LTBP2: variants seen among roughly 807,000 people sequenced by gnomAD.
LTBP2 encodes the protein latent transforming growth factor beta binding protein 2.
Under a neutral mutation model 210.6 loss-of-function variants are expected in LTBP2, and 103 were observed. That is an observed-to-expected ratio of 0.49 (90% CI 0.42 to 0.58). The LOEUF is 0.58. Among genes scored for constraint, LTBP2 ranks in the 20% least tolerant of loss-of-function variants. The probability of loss-of-function intolerance (pLI) is 0.00; values close to 1 mark genes in which losing one functional copy is unlikely to be tolerated. For missense variants in LTBP2, 2,313 were observed against 2,494.5 expected (o/e 0.93, Z 1.55); for synonymous variants, 1,007 against 1,015.0 (o/e 0.99, Z 0.15).
intron 2 of LTBP2, among the ~76,000 whole-genome samples, chr14:74,595,023 C>A (rs1268129333): frequency 6.6e-6 from 1 of 152,242 alleles, no homozygotes; most frequent in African/African-American, 2.4e-5. Context: ...GCCAAGTGCC[C>A]AGCTCCAAAA....
chr14:74,598,242 C>T (rs74063229), intron 2 of LTBP2, among the ~76,000 whole-genome samples: 1 of 152,312 alleles, frequency 6.6e-6, no homozygotes, highest in African/African-American at 2.4e-5. Context: ...TCAAGGAAGC[C>T]AAGGAGGAGC....
At chr14:74,508,524 C>G in intron 24 of LTBP2, 80 bp downstream of exon 24, 1 of 1,551,608 alleles carries the variant, frequency 6.4e-7, no homozygotes, top group East Asian at 2.4e-5. Context: ...CCTGTAGCGC[C>G]CATGCTCCTG....
At position 74,516,688 on chromosome 14, in the gene LTBP2, T is replaced by C. The variant is rs1038252644; in HGVS notation, c.2908+134A>G. On this transcript the variant is annotated intron_variant, in intron 18 of 35. Transcript: ENST00000261978. ...TCAGGAATTCTCATAGGTGTCTCTGTCCATAGACGTGGGCTCAGCATCAAG... is the reference window on the plus strand; with the variant it reads ...TCAGGAATTCTCATAGGTGTCTCTGCCCATAGACGTGGGCTCAGCATCAAG... 9 of 1,196,026 alleles carry C rather than the reference T, an allele frequency of 7.5e-6. No homozygotes were observed. The African/African-American group carries it at 1.2e-4, about 16-fold the overall frequency. 74.1% of individuals were successfully genotyped at this position (1,196,026 alleles called of 1,614,324 possible).
chr14:74,507,377 T>A (rs2087005496), intron 25 of LTBP2, 67 bp from the exon 26 acceptor site: 1 of 1,604,870 alleles, frequency 6.2e-7, no homozygotes, highest in African/African-American at 1.3e-5. Flanking sequence ...TCCCACAGGG[T>A]CATGCCCCAC....
At chr14:74,610,553 C>T (rs1017782131) in intron 1 of LTBP2, among the ~76,000 whole-genome samples, 15 of 152,348 alleles carry the variant, frequency 9.8e-5, no homozygotes, top group Non-Finnish European at 1.9e-4. Flanking sequence ...CCCCACCCAG[C>T]CCCTCACTGC....
intron 3 of LTBP2, among the ~76,000 whole-genome samples, chr14:74,573,355 T>G (rs922545876): frequency 2.0e-5 from 3 of 152,192 alleles, no homozygotes; most frequent in African/African-American, 7.2e-5. Flanking sequence ...TGCCCCTGGA[T>G]CCCTCTCCAT....
At chr14:74,540,880 ATATATAT>A (rs1267084442) in intron 8 of LTBP2, among the ~76,000 whole-genome samples, 1 of 105,422 alleles carries the variant, frequency 9.5e-6, no homozygotes, top group African/African-American at 3.7e-5. Context: ...TATATATAAT[ATATATAT>A]TATATATTAA....
Position 74,551,199 on chromosome 14 carries a change from G to A in LTBP2, c.1551C>T (p.Ala517=). Residue 517 remains alanine, a synonymous_variant, in exon 7 of 36, where the codon GCC becomes GCT. Transcript: ENST00000261978. ...VETRPPPWLP[A]SPGHSLWDSN... ...TGTCCCAGAGGCTGTGGCCAGGGCTGGCAGGCAGCCAGGGCGGGGGTCTGG... is the reference window on the plus strand; with the variant it reads ...TGTCCCAGAGGCTGTGGCCAGGGCTAGCAGGCAGCCAGGGCGGGGGTCTGG... 1.2e-6 allele frequency: 2 copies of A among 1,613,698 alleles called. No individual in the cohort carries two copies. The highest frequency in any genetic ancestry group is 1.7e-6 in the Non-Finnish European group (2 of 1,179,998).
chr14:74,537,597 C>T (rs181811741), intron 8 of LTBP2, among the ~76,000 whole-genome samples: 147 of 152,342 alleles, frequency 9.6e-4, no homozygotes, highest in Admixed American at 4.0e-3. Flanking sequence ...TATCCCAATT[C>T]CTTTTTCTCC....
chr14:74,508,274 G>A (rs2087018115), intron 24 of LTBP2, among the ~76,000 whole-genome samples, 179 bp from the exon 25 acceptor site: 1 of 152,122 alleles, frequency 6.6e-6, no homozygotes. Flanking sequence ...GGGGTGAGGG[G>A]TGAGGTGGGG....
At chr14:74,602,265 C>T (rs758682374) in intron 2 of LTBP2, among the ~76,000 whole-genome samples, 1 of 152,160 alleles carries the variant, frequency 6.6e-6, no homozygotes, top group African/African-American at 2.4e-5. Context: ...CTGTAAGCCA[C>T]GATGATAAGC....
At chr14:74,524,939 G>T (rs1165511943) in intron 15 of LTBP2, among the ~76,000 whole-genome samples, 185 bp downstream of exon 15, 1 of 152,190 alleles carries the variant, frequency 6.6e-6, no homozygotes, top group Non-Finnish European at 1.5e-5. Context: ...TTCACAAGAG[G>T]GACCCTGTGT....
intron 3 of LTBP2, among the ~76,000 whole-genome samples, chr14:74,566,743 C>T (rs1013626270): frequency 2.0e-5 from 3 of 152,154 alleles, no homozygotes; most frequent in Non-Finnish European, 4.4e-5. Context: ...AGAGCCAGCC[C>T]TCTCCCCCGT....
In LTBP2 at chr14:74,506,789, G is replaced by C. The variant is rs774747191; in HGVS notation, c.3942C>G (p.Gly1314=). 8.7e-6 allele frequency: 14 copies of C among 1,613,956 alleles called. No homozygotes were observed. Among genetic ancestry groups the C allele is most frequent in the Non-Finnish European group, 1.2e-5 (14 of 1,180,030 alleles). Residue 1314 remains glycine, a synonymous_variant, in exon 27 of 36, where the codon GGC becomes GGG. Coordinates refer to ENST00000261978, the MANE Select transcript of LTBP2 (RefSeq NM_000428.3). ...IDECANDTMC[G]SHGFCDNTDG... is the part of the protein sequence containing the mutation. The stretch of plus-strand genomic sequence containing the variant: ...CAGTGTTGTCACAGAAGCCGTGGCT[G>C]CCACACATGGTGTCGTTGGCGCACT...
At position 74,510,132 on chromosome 14, in the gene LTBP2, T is replaced by C; in HGVS notation, c.3110A>G (p.Glu1037Gly). Reference sequence around the variant, plus strand: ...ATCTGAGGTGACCTCATAGCCCTGCTCACAAGAGCATCTGAAGGAGCCTTC... The same window carrying C: ...ATCTGAGGTGACCTCATAGCCCTGCCCACAAGAGCATCTGAAGGAGCCTTC... ...NLEGSFRCSC[E>G]QGYEVTSDEK... Residue 1037 changes from glutamate (E) to glycine (G), a missense_variant, in exon 20 of 36, where the codon GAG becomes GGG. This residue lies in a region of LTBP2 where 1,867 missense variants were observed against 1,976.9 expected (regional missense o/e 0.94). Coordinates refer to ENST00000261978, the MANE Select transcript of LTBP2 (RefSeq NM_000428.3). 6.2e-7 allele frequency: 1 copy of C among 1,614,112 alleles called. No homozygotes were observed. Among genetic ancestry groups the C allele is most frequent in the Non-Finnish European group, 8.5e-7 (1 of 1,180,014 alleles).
intron 5 of LTBP2, 120 bp from the exon 6 acceptor site, chr14:74,552,513 C>T (rs1216871489): frequency 1.6e-5 from 14 of 886,000 alleles, no homozygotes; most frequent in African/African-American, 3.3e-5. Flanking sequence ...TCCTGTAGCC[C>T]GGAGCCCCCT....
In LTBP2 at chr14:74,563,460, A is replaced by C. The variant is rs575510386; in HGVS notation, c.831-7767T>G. On this transcript the variant is annotated intron_variant, in intron 3 of 35. Transcript: ENST00000261978. The stretch of plus-strand genomic sequence containing the variant: ...AAACAAACAAGGATCTGCTGGCAGA[A>C]TGGGGTAATAGGCCCTGGAAACACA... Among the ~76,000 whole-genome samples, 9 of 152,314 alleles carry C rather than the reference A, an allele frequency of 5.9e-5. No individual in the cohort carries two copies. In the South Asian group the frequency reaches 1.9e-3, roughly 32 times the overall value.
intron 12 of LTBP2, 41 bp downstream of exon 12, chr14:74,528,442 G>A (rs1311411175): frequency 1.2e-6 from 2 of 1,607,044 alleles, no homozygotes; most frequent in Non-Finnish European, 1.7e-6. Context: ...GAAACTTAGG[G>A]GAAAGGAAAA....
intron 6 of LTBP2, among the ~76,000 whole-genome samples, chr14:74,551,963 C>T (rs903671759): frequency 1.3e-5 from 2 of 152,160 alleles, no homozygotes; most frequent in South Asian, 2.1e-4. Context: ...CCAGGGTTCC[C>T]AGCACAGGGA....
Sources: gnomAD v4.1 joint callset for allele counts (sites outside exome capture counted in the v4.1 genomes callset) on GRCh38, gnomAD v4.1.1 for gene constraint, gnomAD v4.1.1 regional missense constraint, MANE v1.5 for transcripts, NCBI Gene and HGNC (gene_info 2026-07-23, HGNC 2026-07-21) for gene names.